Variants in INPP5D observed in about 807,000 individuals in gnomAD.
The protein encoded by INPP5D is inositol polyphosphate-5-phosphatase D, also known as phosphatidylinositol 3,4,5-trisphosphate 5-phosphatase 1.
A neutral mutation model predicts 122.9 loss-of-function variants in INPP5D; 33 were observed. The observed-to-expected ratio is 0.27, with a 90% CI of 0.20 to 0.36. INPP5D has a LOEUF of 0.36. INPP5D is among the 10% of genes least tolerant of loss of function. The probability of loss-of-function intolerance (pLI) is 1.00; values close to 1 mark genes in which losing one functional copy is unlikely to be tolerated. For synonymous variants in INPP5D, 584 were observed against 576.2 expected, an observed-to-expected ratio of 1.01 and a Z score of -0.19; for missense variants, 1,053 against 1,412.7, an observed-to-expected ratio of 0.75 and a Z score of 4.08.
chr2:233,081,524 C>T (rs1410962019), intron 2 of INPP5D, among the ~76,000 whole-genome samples: 2 of 152,188 alleles, frequency 1.3e-5, no homozygotes, highest in African/African-American at 2.4e-5. Context: ...GTGTAGACTG[C>T]GTCTCCGGTT....
chr2:233,204,159 G>C lies in INPP5D; in HGVS notation c.3009G>C (p.Thr1003=). The C allele has an allele frequency of 6.3e-7, 1 of 1,585,774 alleles. No individual in the cohort carries two copies. Among genetic ancestry groups the C allele is most frequent in the Non-Finnish European group, 8.6e-7 (1 of 1,166,880 alleles). ...ACCTGGGGAAGAACGCAGGGGACAC[G>C]CTGCCTCAGGAGGACCTGCCGCTGA... ...PSDLGKNAGD[T]LPQEDLPLTK... Residue 1003 remains threonine, a synonymous_variant, in exon 26 of 27, where the codon ACG becomes ACC. Transcript: ENST00000445964.
intron 10 of INPP5D, among the ~76,000 whole-genome samples, chr2:233,159,784 A>T (rs1219326027): frequency 6.6e-6 from 1 of 151,704 alleles, no homozygotes; most frequent in Non-Finnish European, 1.5e-5. Context: ...ACCCCCAGCA[A>T]GGCCAAGGGA....
intron 2 of INPP5D, among the ~76,000 whole-genome samples, chr2:233,085,310 T>C (rs2106215816): frequency 6.6e-6 from 1 of 151,488 alleles, no homozygotes; most frequent in African/African-American, 2.4e-5. Flanking sequence ...CGCTTGAACC[T>C]GAGAGGCAGA....
In INPP5D at chr2:233,155,608, G is replaced by A. The variant is rs143591288; in HGVS notation, c.1031-2705G>A. On this transcript the variant is annotated intron_variant, in intron 9 of 26. Transcript: ENST00000445964. Reference sequence around the variant, plus strand: ...TGCACTCCAGCCTGGGTGATGGAGCGAGACTCCATCTCAAAAAATAAATAA... The same window carrying A: ...TGCACTCCAGCCTGGGTGATGGAGCAAGACTCCATCTCAAAAAATAAATAA... Among the ~76,000 whole-genome samples the A allele has an allele frequency of 8.5e-3, 1,286 of 151,614 alleles. 18 individuals are homozygous for A. The highest frequency in any genetic ancestry group is 0.03 in the African/African-American group (1,228 of 41,326).
At chr2:233,191,394 A>C (rs1559343915) in intron 22 of INPP5D, among the ~76,000 whole-genome samples, 1 of 152,182 alleles carries the variant, frequency 6.6e-6, no homozygotes, top group Non-Finnish European at 1.5e-5. Flanking sequence ...GGGAACGACA[A>C]TTCAAGAAGA....
chr2:233,178,923 G>T (rs1423443435), intron 18 of INPP5D, among the ~76,000 whole-genome samples: 1 of 152,204 alleles, frequency 6.6e-6, no homozygotes, highest in African/African-American at 2.4e-5. Context: ...TGTCTCTGGG[G>T]ACTGGCAAAT....
intron 4 of INPP5D, among the ~76,000 whole-genome samples, chr2:233,129,505 G>A (rs144369896): frequency 1.6e-4 from 25 of 152,338 alleles, no homozygotes; most frequent in Middle Eastern, 3.4e-3. Flanking sequence ...ACTGGCCTGG[G>A]CTCTCTGCCT....
chr2:233,117,280 G>A (rs974078109), intron 2 of INPP5D, among the ~76,000 whole-genome samples: 1 of 152,270 alleles, frequency 6.6e-6, no homozygotes, highest in South Asian at 2.1e-4. Context: ...CTCCCGATTC[G>A]AACCTGGACG....
At chr2:233,180,907 C>A (rs985166222) in intron 18 of INPP5D, among the ~76,000 whole-genome samples, 4 of 152,066 alleles carry the variant, frequency 2.6e-5, no homozygotes, top group Admixed American at 6.5e-5. Context: ...CTCCTGGCCT[C>A]AAGTGATCCA....
intron 1 of INPP5D, among the ~76,000 whole-genome samples, chr2:233,070,890 G>A (rs978466388): frequency 6.6e-6 from 1 of 152,186 alleles, no homozygotes; most frequent in African/African-American, 2.4e-5. Flanking sequence ...AACAAATGAA[G>A]CAGTTATGGG....
intron 25 of INPP5D, among the ~76,000 whole-genome samples, chr2:233,200,533 G>A (rs188319725): frequency 9.2e-5 from 14 of 152,274 alleles, no homozygotes; most frequent in African/African-American, 2.2e-4. Context: ...AGCCAGCAGC[G>A]GTGTGTTCTC....
Position 233,082,744 on chromosome 2 carries a change from A to G in INPP5D, c.198+3346A>G, listed in dbSNP as rs1002059755. On this transcript the variant is annotated intron_variant, in intron 2 of 26. Transcript: ENST00000445964. The surrounding 1 kb of genome is among the most constrained non-coding windows in gnomAD (Gnocchi z 4.7). ...CTCCATCTTTCACAGACTTAAAAAA[A>G]ATCCGAGATGGGAGGGCAGGATGCA... Among the ~76,000 whole-genome samples the G allele has an allele frequency of 2.6e-5, 4 of 152,332 alleles. No homozygotes were observed. Among genetic ancestry groups the G allele is most frequent in the African/African-American group, 9.6e-5 (4 of 41,582 alleles).
intron 20 of INPP5D, among the ~76,000 whole-genome samples, chr2:233,184,968 G>A (rs189123927): frequency 7.9e-5 from 12 of 152,150 alleles, no homozygotes; most frequent in Middle Eastern, 3.4e-3. Flanking sequence ...CGTCTTTCTC[G>A]GGGGGACTGC....
At chr2:233,182,784 TA>T (rs1162288911) in intron 19 of INPP5D, among the ~76,000 whole-genome samples, 1 of 151,844 alleles carries the variant, frequency 6.6e-6, no homozygotes, top group Non-Finnish European at 1.5e-5. Flanking sequence ...ACACTGAAGA[TA>T]ATTCTCCGGG....
chr2:233,195,507 G>A lies in INPP5D; in HGVS notation c.2693+12G>A, dbSNP rs764302918. The A allele has an allele frequency of 2.0e-5, 33 of 1,612,558 alleles. No individual in the cohort carries two copies. The highest frequency in any genetic ancestry group is 2.0e-4 in the Admixed American group (12 of 59,990). On this transcript the variant is annotated intron_variant, in intron 24 of 26. Transcript: ENST00000445964. Reference sequence around the variant, plus strand: ...GAAGTCACTAGCAGGTAAAGTGGGCGTGGGGTGGGTGTTGGGGGGGGTGGA... The same window carrying A: ...GAAGTCACTAGCAGGTAAAGTGGGCATGGGGTGGGTGTTGGGGGGGGTGGA...
intron 18 of INPP5D, among the ~76,000 whole-genome samples, chr2:233,179,123 A>C (rs979952847): frequency 6.6e-6 from 1 of 152,090 alleles, no homozygotes; most frequent in African/African-American, 2.4e-5. Context: ...ACTTCACACA[A>C]CACCTTTAGA....
intron 18 of INPP5D, among the ~76,000 whole-genome samples, chr2:233,178,993 G>A (rs951319468): frequency 6.6e-6 from 1 of 152,156 alleles, no homozygotes; most frequent in Non-Finnish European, 1.5e-5. Flanking sequence ...TCCAGTGCCT[G>A]TCTCCTCCTA....
In INPP5D at chr2:233,074,145, G is replaced by T. The variant is rs1377141500; in HGVS notation, c.135-5190G>T. 2.6e-5 allele frequency among the ~76,000 whole-genome samples: 4 copies of T among 152,210 alleles called. No homozygotes were observed. In the East Asian group the frequency reaches 7.7e-4, roughly 29 times the overall value. ...TGTCGAGAACAATTGGATCAGATTT[G>T]TTCAGAGATGGGAGTGGGTTAAAAC... is the stretch of plus-strand genomic sequence containing the variant. On this transcript the variant is annotated intron_variant, in intron 1 of 26. Transcript: ENST00000445964.
intron 2 of INPP5D, among the ~76,000 whole-genome samples, chr2:233,119,701 C>T (rs909384622): frequency 2.0e-5 from 3 of 152,078 alleles, no homozygotes; most frequent in Non-Finnish European, 4.4e-5. Flanking sequence ...AGAGACAGAG[C>T]CAGAGCCCAG....
Sources: gnomAD v4.1 joint callset for allele counts (sites outside exome capture counted in the v4.1 genomes callset) on GRCh38, gnomAD v4.1.1 for gene constraint, Gnocchi (gnomAD v3.1) non-coding constraint, MANE v1.5 for transcripts, NCBI Gene and HGNC (gene_info 2026-07-23, HGNC 2026-07-21) for gene names.